ARSB: variants seen among roughly 807,000 people sequenced by gnomAD.
ARSB encodes the protein arylsulfatase B.
In ARSB, 41 loss-of-function variants were observed where a neutral mutation model predicts 50.9. The ratio of observed to expected loss-of-function variants is 0.81; its 90% confidence interval spans 0.63 to 1.04. The LOEUF (loss-of-function observed/expected upper bound fraction) is 1.04, where lower values mean the gene tolerates loss of function less well. ARSB is among the 50% of genes least tolerant of loss of function. ARSB has a pLI of 0.00. For missense variants in ARSB, 672 were observed against 693.3 expected (o/e 0.97, Z 0.35); for synonymous variants, 269 against 284.8 (o/e 0.94, Z 0.56).
chr5:78,982,710 A>G (rs948073714), intron 1 of ARSB, among the ~76,000 whole-genome samples: 11 of 152,248 alleles, frequency 7.2e-5, no homozygotes, highest in Admixed American at 2.0e-4. Flanking sequence ...ACCAGCATAT[A>G]GTATCTGACG....
intron 5 of ARSB, among the ~76,000 whole-genome samples, chr5:78,854,108 C>G (rs996451521): frequency 7.2e-5 from 11 of 152,254 alleles, no homozygotes; most frequent in East Asian, 1.9e-4. Flanking sequence ...TGAGATGAAT[C>G]CGGTACCTCA....
chr5:78,835,543 G>A (rs189221273), intron 6 of ARSB, among the ~76,000 whole-genome samples: 12 of 152,290 alleles, frequency 7.9e-5, no homozygotes, highest in African/African-American at 2.6e-4. Flanking sequence ...AATCAGAAAG[G>A]TGGCCAGGAT....
intron 4 of ARSB, among the ~76,000 whole-genome samples, chr5:78,904,713 G>A (rs1417318843): frequency 2.3e-5 from 3 of 128,766 alleles, no homozygotes; most frequent in African/African-American, 8.9e-5. Flanking sequence ...TTTGAGAGAG[G>A]GTCTCACTCT....
At chr5:78,831,610 C>CAGT (rs1441725290) in intron 6 of ARSB, among the ~76,000 whole-genome samples, 2 of 152,170 alleles carry the variant, frequency 1.3e-5, no homozygotes, top group African/African-American at 2.4e-5. Flanking sequence ...CCTGCGAAAT[C>CAGT]AGTAGGACAT....
chr5:78,805,800 A>G (rs1189020232), intron 6 of ARSB, among the ~76,000 whole-genome samples: 1 of 152,206 alleles, frequency 6.6e-6, no homozygotes, highest in African/African-American at 2.4e-5. Context: ...GGGCACAGTC[A>G]CACTTAGACA....
At chr5:78,803,326 G>A (rs778738169) in intron 6 of ARSB, among the ~76,000 whole-genome samples, 4 of 152,188 alleles carry the variant, frequency 2.6e-5, no homozygotes, top group Admixed American at 1.3e-4. Context: ...AAATTAGCCC[G>A]TCAGTTCCCT....
intron 7 of ARSB, 79 bp downstream of exon 7, chr5:78,781,773 G>C: frequency 1.3e-6 from 2 of 1,574,188 alleles, no homozygotes; most frequent in Non-Finnish European, 1.7e-6. Flanking sequence ...AGGGCAGATA[G>C]ACTGGAGATA....
intron 6 of ARSB, among the ~76,000 whole-genome samples, chr5:78,816,275 A>AGTT (rs1491315892): frequency 6.4e-4 from 97 of 152,270 alleles, no homozygotes; most frequent in African/African-American, 2.2e-3. Flanking sequence ...AGTGCCTAAC[A>AGTT]GGGCCTAGAA....
chr5:78,915,758 T>C (rs1749522361), intron 4 of ARSB, among the ~76,000 whole-genome samples: 1 of 152,246 alleles, frequency 6.6e-6, no homozygotes, highest in African/African-American at 2.4e-5. Context: ...AATTCATTTA[T>C]GTTTCATATA....
chr5:78,948,155 A>AG (rs909874610), intron 4 of ARSB, among the ~76,000 whole-genome samples: 4 of 152,210 alleles, frequency 2.6e-5, no homozygotes, highest in Admixed American at 2.6e-4. Context: ...GGGTGAGGGT[A>AG]GGGGGGAAGT....
At chr5:78,948,796 A>G (rs1214102075) in intron 4 of ARSB, among the ~76,000 whole-genome samples, 1 of 152,198 alleles carries the variant, frequency 6.6e-6, no homozygotes, top group African/African-American at 2.4e-5. Context: ...AAATAACCAC[A>G]TACATTCCTT....
rs974871178 is a variant in ARSB, at chr5:78,910,241, C to T, written c.899-24414G>A. Among the ~76,000 whole-genome samples the T allele has an allele frequency of 1.7e-4, 26 of 152,334 alleles. No individual in the cohort carries two copies. The South Asian group carries it at 2.1e-3, about 12-fold the overall frequency. On this transcript the variant is annotated intron_variant, in intron 4 of 7. Transcript: ENST00000264914. ...CGGTGCAGGTCCTCTGTATGCTAAG[C>T]ACCGGTCTCCTGGGCCCGCTGTTCT...
chr5:78,929,641 A>C (rs1313906545), intron 4 of ARSB, among the ~76,000 whole-genome samples: 1 of 151,882 alleles, frequency 6.6e-6, no homozygotes, highest in Non-Finnish European at 1.5e-5. Flanking sequence ...AAATACAAAA[A>C]AATTTGCCCA....
At chr5:78,945,424 C>A (rs1261991282) in intron 4 of ARSB, among the ~76,000 whole-genome samples, 1 of 152,254 alleles carries the variant, frequency 6.6e-6, no homozygotes, top group Non-Finnish European at 1.5e-5. Flanking sequence ...TGGCTCCACC[C>A]CTCCTATGTA....
intron 5 of ARSB, among the ~76,000 whole-genome samples, chr5:78,877,324 C>T (rs1036119032): frequency 3.9e-5 from 6 of 152,156 alleles, no homozygotes; most frequent in Non-Finnish European, 8.8e-5. Context: ...ATGCTCAAAA[C>T]GATCAAACTG....
At chr5:78,950,515 A>G (rs1561521857) in intron 4 of ARSB, among the ~76,000 whole-genome samples, 1 of 152,150 alleles carries the variant, frequency 6.6e-6, no homozygotes, top group Non-Finnish European at 1.5e-5. Context: ...AGGAAAAGAG[A>G]AGGTCTGGCA....
intron 6 of ARSB, among the ~76,000 whole-genome samples, chr5:78,788,731 G>A (rs1367340439): frequency 6.6e-6 from 1 of 152,084 alleles, no homozygotes; most frequent in Non-Finnish European, 1.5e-5. Context: ...CTCCTGAGTG[G>A]TTAGGACCAC....
intron 4 of ARSB, among the ~76,000 whole-genome samples, chr5:78,912,489 T>C (rs1749351848): frequency 6.6e-6 from 1 of 152,200 alleles, no homozygotes; most frequent in Non-Finnish European, 1.5e-5. Context: ...TCCTCACTGT[T>C]TTTGGCTAGC....
At chr5:78,970,513 A>G (rs1399093592) in intron 1 of ARSB, among the ~76,000 whole-genome samples, 1 of 152,216 alleles carries the variant, frequency 6.6e-6, no homozygotes, top group Non-Finnish European at 1.5e-5. Flanking sequence ...GGGGTCCTCA[A>G]TAATTTTTAA....
Sources: allele counts gnomAD v4.1 joint callset (sites outside exome capture counted in the v4.1 genomes callset), GRCh38; gene constraint gnomAD v4.1.1; transcripts MANE v1.5; gene names NCBI Gene and HGNC (gene_info 2026-07-23, HGNC 2026-07-21).